Variants in STXBP3 observed in about 807,000 individuals in gnomAD.
STXBP3 encodes syntaxin-binding protein 3.
In STXBP3, 41 loss-of-function variants were observed where a neutral mutation model predicts 85.7. The observed-to-expected ratio is 0.48, with a 90% CI of 0.37 to 0.62. STXBP3 has a LOEUF of 0.62. Among genes scored for constraint, STXBP3 ranks in the 20% least tolerant of loss-of-function variants. STXBP3 has a pLI of 0.00. For synonymous variants in STXBP3, 229 were observed against 231.7 expected (o/e 0.99, Z 0.10); for missense variants, 563 against 703.1 (o/e 0.80, Z 2.25).
At chr1:108,770,407 G>A (rs1662359558) in intron 6 of STXBP3, among the ~76,000 whole-genome samples, 1 of 152,176 alleles carries the variant, frequency 6.6e-6, no homozygotes, top group African/African-American at 2.4e-5. Context: ...ATCGAATAAT[G>A]TTATCTCCTG....
rs903265511 is a variant in STXBP3 at position 108,791,134 on chromosome 1, A to G, written c.964-2448A>G. ...ATACTTTTGCTGGATTTGGAATTCA[A>G]AGTTGGCAATTTTTTTCCTTTCAGC... On this transcript the variant is annotated intron_variant, in intron 11 of 18. Coordinates refer to ENST00000370008, the MANE Select transcript of STXBP3 (RefSeq NM_007269.4). Among the ~76,000 whole-genome samples the G allele has an allele frequency of 4.6e-5, 7 of 152,248 alleles. No individual in the cohort carries two copies. In the South Asian group the frequency reaches 1.2e-3, roughly 27 times the overall value.
chr1:108,791,565 A>C (rs1428866923), intron 11 of STXBP3, among the ~76,000 whole-genome samples: 2 of 151,668 alleles, frequency 1.3e-5, no homozygotes, highest in East Asian at 3.9e-4. Context: ...ATTGCAACTG[A>C]ATGTTCTCTA....
At chr1:108,789,664 G>A (rs1169902631) in intron 11 of STXBP3, among the ~76,000 whole-genome samples, 1 of 152,084 alleles carries the variant, frequency 6.6e-6, no homozygotes, top group Non-Finnish European at 1.5e-5. Flanking sequence ...AAATTTCAAA[G>A]CATTTGGGAA....
chr1:108,787,025 G>A (rs1482738880), intron 11 of STXBP3, among the ~76,000 whole-genome samples: 2 of 151,850 alleles, frequency 1.3e-5, no homozygotes, highest in African/African-American at 2.4e-5. Context: ...GTTATAAATG[G>A]TATTTTTTAA....
At chr1:108,783,024 G>A (rs1662748531) in intron 11 of STXBP3, among the ~76,000 whole-genome samples, 1 of 152,088 alleles carries the variant, frequency 6.6e-6, no homozygotes, top group Non-Finnish European at 1.5e-5. Context: ...TGCCTCAGCG[G>A]GATTACTGGT....
rs1439414829 is a variant in STXBP3, at chr1:108,746,722, C to T, written c.-16C>T. On this transcript the variant is annotated 5_prime_UTR_variant, in exon 1 of 19. Transcript: ENST00000370008. The stretch of plus-strand genomic sequence containing the variant: ...GGAGTGGAAGGTGGTGGCTGCTGCT[C>T]CGCAGTGTCGGGAAGATGGCGCCGC... The T allele has an allele frequency of 1.3e-6, 2 of 1,548,928 alleles. No homozygotes were observed. Among genetic ancestry groups the T allele is most frequent in the Non-Finnish European group, 1.7e-6 (2 of 1,145,800 alleles).
chr1:108,746,847 C>G (rs1463352002), intron 1 of STXBP3, 61 bp downstream of exon 1: 1 of 1,522,210 alleles, frequency 6.6e-7, no homozygotes, highest in Admixed American at 2.0e-5. Context: ...TGCCGGGCCT[C>G]GTTTTGCAGC....
intron 11 of STXBP3, among the ~76,000 whole-genome samples, chr1:108,783,306 T>G (rs1662755424): frequency 6.6e-6 from 1 of 152,230 alleles, no homozygotes; most frequent in South Asian, 2.1e-4. Context: ...TACTTATATA[T>G]ACCCTTGAAA....
At chr1:108,773,983 C>G (rs1315116283) in intron 7 of STXBP3, among the ~76,000 whole-genome samples, 2 of 152,128 alleles carry the variant, frequency 1.3e-5, no homozygotes, top group Admixed American at 6.6e-5. Context: ...AACAGCATCT[C>G]AGAGGCCTCT....
chr1:108,803,058 C>T (rs1349551158), intron 17 of STXBP3, among the ~76,000 whole-genome samples: 16 of 152,188 alleles, frequency 1.1e-4, no homozygotes, highest in Admixed American at 9.2e-4. Flanking sequence ...TGTACTTTTA[C>T]GTATATCTGG....
At chr1:108,797,198 C>CA (rs1346820130) in intron 15 of STXBP3, among the ~76,000 whole-genome samples, 1 of 151,542 alleles carries the variant, frequency 6.6e-6, no homozygotes, top group African/African-American at 2.4e-5. Context: ...CTACAAAAAA[C>CA]AAAAAAATAA....
chr1:108,768,961 A>G (rs536872051), intron 6 of STXBP3, among the ~76,000 whole-genome samples: 1 of 152,270 alleles, frequency 6.6e-6, no homozygotes, highest in East Asian at 1.9e-4. Flanking sequence ...TGAATAACAT[A>G]GGGGTTAGGG....
rs529519465 is a variant in STXBP3, at chr1:108,781,345, A to G, written c.810-1077A>G. Reference sequence around the variant, plus strand: ...TGTAGTTCAGAGCTAGGAAAACTCAATGCAGTCCTTCCTGATCTTGACTCA... The same window carrying G: ...TGTAGTTCAGAGCTAGGAAAACTCAGTGCAGTCCTTCCTGATCTTGACTCA... On this transcript the variant is annotated intron_variant, in intron 9 of 18. Coordinates refer to ENST00000370008, the MANE Select transcript of STXBP3 (RefSeq NM_007269.4). 4.6e-5 allele frequency: 7 copies of G among 152,316 alleles called. No homozygotes were observed. The East Asian group carries it at 5.8e-4, about 13-fold the overall frequency. The allele number at this position is 152,316 out of a possible 1,614,324, so 9.4% of individuals were successfully genotyped here.
At chr1:108,779,478 T>C in intron 9 of STXBP3, 68 bp downstream of exon 9, 1 of 1,451,530 alleles carries the variant, frequency 6.9e-7, no homozygotes. Flanking sequence ...ATTTAATGAT[T>C]TATATAGGCA....
chr1:108,797,745 T>G (rs374689553), intron 15 of STXBP3, among the ~76,000 whole-genome samples: 153 of 147,790 alleles, frequency 1.0e-3, no homozygotes, highest in Middle Eastern at 3.4e-3. Flanking sequence ...GTGTGTGTGT[T>G]TTTTTTTTGA....
chr1:108,788,072 G>C (rs1056461032), intron 11 of STXBP3, among the ~76,000 whole-genome samples: 19 of 152,138 alleles, frequency 1.2e-4, no homozygotes, highest in Non-Finnish European at 2.4e-4. Context: ...GATTACAGGC[G>C]TGAGCCACCA....
chr1:108,796,504 G>A (rs1217154845), intron 14 of STXBP3, 116 bp from the exon 15 acceptor site: 14 of 1,157,866 alleles, frequency 1.2e-5, no homozygotes, highest in African/African-American at 1.6e-5. Flanking sequence ...GACTGAAGGA[G>A]ATATAATTTG....
chr1:108,756,660 G>T, intron 3 of STXBP3, 30 bp from the exon 4 acceptor site: 1 of 1,338,130 alleles, frequency 7.5e-7, no homozygotes, highest in Non-Finnish European at 1.0e-6. Flanking sequence ...TAAATATTTG[G>T]TTATATAAAA....
intron 1 of STXBP3, among the ~76,000 whole-genome samples, chr1:108,749,211 T>TG (rs1557798086): frequency 6.6e-6 from 1 of 151,874 alleles, no homozygotes; most frequent in Admixed American, 6.6e-5. Flanking sequence ...TAGGTGGGCG[T>TG]GGGGAAAGGA....
Sources: gnomAD v4.1 joint callset for allele counts (sites outside exome capture counted in the v4.1 genomes callset) on GRCh38, gnomAD v4.1.1 for gene constraint, MANE v1.5 for transcripts, NCBI Gene and HGNC (gene_info 2026-07-23, HGNC 2026-07-21) for gene names.